CDK13: variants seen among roughly 807,000 people sequenced by gnomAD.
The protein encoded by CDK13 is cyclin-dependent kinase 13.
A neutral mutation model predicts 137.6 loss-of-function variants in CDK13; 40 were observed. The ratio of observed to expected loss-of-function variants is 0.29; its 90% CI spans 0.23 to 0.38. CDK13 has a LOEUF of 0.38. Ranked by LOEUF, CDK13 falls within the 10% of genes least tolerant of loss-of-function variation. The probability of loss-of-function intolerance (pLI) is 1.00; values close to 1 mark genes in which losing one functional copy is unlikely to be tolerated. For missense variants in CDK13, 1,704 were observed against 1,951.8 expected (o/e 0.87, Z 2.39); for synonymous variants, 869 against 760.1 (o/e 1.14, Z -2.36).
At chr7:40,013,317 T>C (rs906494080) in intron 5 of CDK13, among the ~76,000 whole-genome samples, 2 of 152,096 alleles carry the variant, frequency 1.3e-5, no homozygotes, top group African/African-American at 4.8e-5. Context: ...AAAAGAGTTG[T>C]GGAGAGGGGT....
chr7:39,964,123 G>C (rs1783813012), intron 1 of CDK13, among the ~76,000 whole-genome samples: 1 of 152,172 alleles, frequency 6.6e-6, no homozygotes, highest in Non-Finnish European at 1.5e-5. Flanking sequence ...TCAGGATGAT[G>C]CTGGCCTCAT....
intron 7 of CDK13, chr7:40,062,292 CT>C (rs71848269): frequency 2.2e-4 from 32 of 148,738 alleles, no homozygotes; most frequent in South Asian, 1.1e-3. Flanking sequence ...CAGTAAACTA[CT>C]TTTTTTTTTT....
intron 2 of CDK13, among the ~76,000 whole-genome samples, chr7:39,994,301 G>C (rs1297837379): frequency 2.0e-5 from 3 of 152,070 alleles, no homozygotes; most frequent in Non-Finnish European, 4.4e-5. Flanking sequence ...TGGTTATTGT[G>C]TAAAGAAGTG....
intron 5 of CDK13, among the ~76,000 whole-genome samples, chr7:40,044,475 C>A (rs1285033909): frequency 6.6e-6 from 1 of 151,538 alleles, no homozygotes. Context: ...CACACCACCA[C>A]GCCAGGCTAA....
intron 5 of CDK13, among the ~76,000 whole-genome samples, chr7:40,045,603 A>G (rs1402221983): frequency 6.6e-6 from 1 of 151,484 alleles, no homozygotes; most frequent in Non-Finnish European, 1.5e-5. Context: ...TTTTTTTTAA[A>G]ATCATAACTG....
chr7:40,056,314 G>C (rs1786019427), intron 7 of CDK13, among the ~76,000 whole-genome samples: 1 of 151,982 alleles, frequency 6.6e-6, no homozygotes, highest in Admixed American at 6.6e-5. Flanking sequence ...TTTTGTCATT[G>C]TTACCTTTTA....
chr7:40,039,434 A>ATTT (rs976319927), intron 5 of CDK13, among the ~76,000 whole-genome samples: 15 of 84,986 alleles, frequency 1.8e-4, no homozygotes, highest in East Asian at 6.1e-4. Flanking sequence ...TGCCCGGCTA[A>ATTT]TTTTTTTTTT....
intron 2 of CDK13, among the ~76,000 whole-genome samples, chr7:39,992,979 C>A (rs1423759141): frequency 6.6e-6 from 1 of 151,968 alleles, no homozygotes; most frequent in Non-Finnish European, 1.5e-5. Context: ...AGGTGATGAG[C>A]AACGTTAAGG....
chr7:40,083,873 A>T (rs1327218398), intron 11 of CDK13, among the ~76,000 whole-genome samples: 1 of 152,160 alleles, frequency 6.6e-6, no homozygotes, highest in South Asian at 2.1e-4. Flanking sequence ...AATATAATAT[A>T]ATATCTCTCA....
At chr7:40,024,967 G>C (rs1785214060) in intron 5 of CDK13, among the ~76,000 whole-genome samples, 8 of 151,982 alleles carry the variant, frequency 5.3e-5, no homozygotes, top group Admixed American at 5.2e-4. Context: ...CCCAGCTGTA[G>C]CTCTGTGGTT....
At chr7:40,057,363 G>A (rs536919900) in intron 7 of CDK13, among the ~76,000 whole-genome samples, 2 of 152,322 alleles carry the variant, frequency 1.3e-5, no homozygotes, top group African/African-American at 4.8e-5. Context: ...GCTATTCAGA[G>A]AAGAAGACTG....
intron 1 of CDK13, chr7:39,952,682 A>G (rs1448373158): frequency 6.6e-6 from 1 of 152,168 alleles, no homozygotes; most frequent in Non-Finnish European, 1.5e-5. Context: ...TTTAAAAGCT[A>G]AGTAGACTTT....
rs889792089 is a variant in CDK13, at chr7:39,951,154, C to T, written c.513C>T (p.Ala171=). 26 of 1,241,408 alleles carry T rather than the reference C, an allele frequency of 2.1e-5. No homozygotes were observed. The highest frequency in any genetic ancestry group is 3.8e-5 in the South Asian group (1 of 26,566). 76.9% of individuals were successfully genotyped at this position (1,241,408 alleles called of 1,614,324 possible). The change falls in exon 1 of 14, where the codon GCC becomes GCT. Residue 171 remains alanine, a synonymous_variant. Coordinates refer to ENST00000181839, the MANE Select transcript of CDK13 (RefSeq NM_003718.5). ...GCGCGGCAACGGCGGCGACGGCTGC[C>T]GGGGGAACGGGGGGCAGCGGCGGGA... ...GASAATAATA[A]GGTGGSGGSP... is the part of the protein sequence containing the mutation.
intron 11 of CDK13, among the ~76,000 whole-genome samples, chr7:40,085,085 G>A (rs1431232164): frequency 6.6e-6 from 1 of 152,148 alleles, no homozygotes; most frequent in African/African-American, 2.4e-5. Flanking sequence ...AGGGGGCCAG[G>A]TACGGTAGCT....
chr7:40,049,729 TC>T (rs1562749364), intron 7 of CDK13, among the ~76,000 whole-genome samples: 1 of 152,072 alleles, frequency 6.6e-6, no homozygotes, highest in Admixed American at 6.6e-5. Flanking sequence ...GCCAGCATCT[TC>T]CCCCCATACT....
At chr7:39,982,017 T>A (rs150132409) in intron 1 of CDK13, among the ~76,000 whole-genome samples, 13,509 of 150,700 alleles carry the variant, frequency 0.09, 1,023 homozygotes, top group East Asian at 0.36. Flanking sequence ...TCTTTTTTTT[T>A]AATTATTATT....
chr7:40,030,200 T>C (rs868220241), intron 5 of CDK13, among the ~76,000 whole-genome samples: 2 of 151,500 alleles, frequency 1.3e-5, no homozygotes, highest in Non-Finnish European at 2.9e-5. Flanking sequence ...TACCTCACCA[T>C]TGAAATTAGA....
At chr7:40,085,932 T>TA (rs1319532048) in intron 11 of CDK13, among the ~76,000 whole-genome samples, 5 of 152,240 alleles carry the variant, frequency 3.3e-5, no homozygotes, top group Admixed American at 6.5e-5. Flanking sequence ...GAAAATAACA[T>TA]ACTGTAATCA....
At chr7:39,960,205 T>C (rs1468022087) in intron 1 of CDK13, among the ~76,000 whole-genome samples, 1 of 122,928 alleles carries the variant, frequency 8.1e-6, no homozygotes, top group African/African-American at 2.6e-5. Context: ...AATACCACTT[T>C]CATTTGATCA....
Sources: allele counts gnomAD v4.1 joint callset (sites outside exome capture counted in the v4.1 genomes callset), GRCh38; gene constraint gnomAD v4.1.1; transcripts MANE v1.5; gene names NCBI Gene and HGNC (gene_info 2026-07-23, HGNC 2026-07-21).